CLUL1: variants seen among roughly 807,000 people sequenced by gnomAD.
The protein encoded by CLUL1 is clusterin-like protein 1.
A neutral mutation model predicts 49.4 loss-of-function variants in CLUL1; 43 were observed. The ratio of observed to expected loss-of-function variants is 0.87; its 90% CI spans 0.68 to 1.12. The LOEUF is 1.12. CLUL1 is among the 50% of genes most tolerant of loss of function. The pLI is 0.00. For missense variants in CLUL1, 486 were observed against 544.4 expected, an observed-to-expected ratio of 0.89 and a Z score of 1.07; for synonymous variants, 192 against 184.9, an observed-to-expected ratio of 1.04 and a Z score of -0.31.
chr18:643,342 C>G (rs746054605), intron 8 of CLUL1, among the ~76,000 whole-genome samples: 1 of 152,170 alleles, frequency 6.6e-6, no homozygotes, highest in Non-Finnish European at 1.5e-5. Flanking sequence ...AGCCACTGTT[C>G]CAATCCCTGC....
intron 2 of CLUL1, chr18:613,011 G>T: frequency 3.4e-6 from 1 of 294,336 alleles, no homozygotes; most frequent in Non-Finnish European, 6.2e-6. Flanking sequence ...CTGGCTTCAT[G>T]ATGATGGTGA....
At chr18:612,825 G>A (rs893466379) in intron 2 of CLUL1, 1 of 153,378 alleles carries the variant, frequency 6.5e-6, no homozygotes, top group Non-Finnish European at 1.5e-5. Flanking sequence ...TATCTCCGGT[G>A]CAGAATGTAA....
intron 7 of CLUL1, among the ~76,000 whole-genome samples, chr18:641,047 T>C (rs2074330381): frequency 6.6e-6 from 1 of 152,188 alleles, no homozygotes; most frequent in Non-Finnish European, 1.5e-5. Context: ...GGCAAATTTT[T>C]TCTTAATATA....
intron 9 of CLUL1, among the ~76,000 whole-genome samples, chr18:647,014 G>A (rs1056018716): frequency 1.3e-5 from 2 of 151,988 alleles, no homozygotes; most frequent in Non-Finnish European, 2.9e-5. Flanking sequence ...GCCTCCCAAA[G>A]TGCTGGGATC....
At chr18:601,803 C>T (rs2072839634) in intron 1 of CLUL1, among the ~76,000 whole-genome samples, 1 of 151,646 alleles carries the variant, frequency 6.6e-6, no homozygotes, top group South Asian at 2.1e-4. Flanking sequence ...AGCGAGACTC[C>T]ATCTCAAAAA....
At chr18:640,082 G>A (rs1438040710) in intron 7 of CLUL1, among the ~76,000 whole-genome samples, 4 of 152,122 alleles carry the variant, frequency 2.6e-5, no homozygotes, top group African/African-American at 9.7e-5. Context: ...TAATCTATGG[G>A]TAATTTCATG....
rs2073823852 is a variant in CLUL1, at chr18:627,030, A to AAGG, written c.424-65_424-64insGAG. On this transcript the variant is annotated intron_variant, in intron 5 of 9. Coordinates refer to ENST00000692774, the MANE Select transcript of CLUL1 (RefSeq NM_001393344.1). ...AGGAAAGAAAGAAAGAAAGAAAGAA[A>AAGG]AGAAAGAAAGAGTCGAGAAAGAAAA... The AAGG allele has an allele frequency of 3.2e-5, 2 of 63,450 alleles. 1 individual carries two copies. The highest frequency in any genetic ancestry group is 6.0e-5 in the Non-Finnish European group (2 of 33,450). The allele number at this position is 63,450 out of a possible 1,614,324, so 3.9% of individuals were successfully genotyped here. A position where few individuals can be genotyped will look rare whatever the true frequency, so the allele number is the denominator to read the frequency against.
At chr18:616,688 A>C (rs2073302637) in intron 2 of CLUL1, 1 of 979,744 alleles carries the variant, frequency 1.0e-6, no homozygotes, top group African/African-American at 1.8e-5. Flanking sequence ...ACACGGATGA[A>C]AATTAAAGCA....
chr18:606,994 G>A lies in CLUL1; in HGVS notation c.-119G>A, dbSNP rs1598409657. ...TTTCTTTAGAGTTGCGTCCCTCTCG[G>A]TTGCCAGGCTGGAGTTCAGTGGCAT... On this transcript the variant is annotated 5_prime_UTR_variant, in exon 2 of 10. Coordinates refer to ENST00000692774, the MANE Select transcript of CLUL1 (RefSeq NM_001393344.1). The surrounding 1 kb of genome is among the most constrained non-coding windows in gnomAD (Gnocchi z 4.1). 1.2e-5 allele frequency: 8 copies of A among 650,872 alleles called. No homozygotes were observed. The highest frequency in any genetic ancestry group is 1.8e-5 in the African/African-American group (1 of 54,412). 40.3% of individuals were successfully genotyped at this position (650,872 alleles called of 1,614,324 possible).
chr18:603,281 A>C (rs765859471), intron 1 of CLUL1, among the ~76,000 whole-genome samples: 1 of 152,120 alleles, frequency 6.6e-6, no homozygotes, highest in Non-Finnish European at 1.5e-5. Context: ...GGTAGAGTTT[A>C]AGAAGCATTG....
chr18:622,326 G>T (rs187140380), intron 4 of CLUL1, among the ~76,000 whole-genome samples: 134 of 152,230 alleles, frequency 8.8e-4, no homozygotes, highest in Middle Eastern at 3.4e-3. Context: ...GGTTTTATTT[G>T]TATGTGTTTT....
rs1008372906 is a variant in CLUL1 at position 618,929 on chromosome 18, G to GA, written c.107-276dup. On this transcript the variant is annotated intron_variant, in intron 3 of 9. Transcript: ENST00000692774. This position sits in a 1 kb window ranked among gnomAD's most constrained non-coding sequence, Gnocchi z 4.2. ...AAACACACTTGAGTCTTAAATGAAA[G>GA]AAAAAAAATGGATAAATGAAAACAG... Among the ~76,000 whole-genome samples, 14 of 151,638 alleles carry GA rather than the reference G, an allele frequency of 9.2e-5. No homozygotes were observed. Among genetic ancestry groups the GA allele is most frequent in the Non-Finnish European group, 1.3e-4 (9 of 67,918 alleles).
At position 633,287 on chromosome 18, in the gene CLUL1, G is replaced by A. The variant is rs747295988; in HGVS notation, c.857-11G>A. The A allele has an allele frequency of 1.9e-6, 3 of 1,604,698 alleles. No homozygotes were observed. The Admixed American group carries it at 5.2e-5, about 28-fold the overall frequency. ...TATGACACTAACGTGTAAATGTTAT[G>A]TTCCCTGTAGCTCCTGACCACGGAG... is the stretch of plus-strand genomic sequence containing the variant. On this transcript the variant is annotated splice_polypyrimidine_tract_variant and intron_variant, in intron 6 of 9. Transcript: ENST00000692774.
Position 633,526 on chromosome 18 carries a change from C to A in CLUL1, c.994+91C>A, listed in dbSNP as rs192608055. ...TCGGTGCCACAAAAGAAATAGCACTCGAATATAAAATTTTCTTTTTAATTC... is the reference window on the plus strand; with the variant it reads ...TCGGTGCCACAAAAGAAATAGCACTAGAATATAAAATTTTCTTTTTAATTC... On this transcript the variant is annotated intron_variant, in intron 7 of 9. Transcript: ENST00000692774. The A allele has an allele frequency of 3.4e-4, 393 of 1,141,602 alleles. 3 individuals carry two copies. The East Asian group carries it at 8.2e-3, about 24-fold the overall frequency. The allele number at this position is 1,141,602 out of a possible 1,614,324, so 70.7% of individuals were successfully genotyped here.
intron 4 of CLUL1, among the ~76,000 whole-genome samples, chr18:624,160 C>T (rs941450471): frequency 4.6e-5 from 7 of 152,032 alleles, no homozygotes; most frequent in African/African-American, 1.7e-4. Flanking sequence ...CTCCTCACCA[C>T]CCAGAGCAGG....
At chr18:633,662 G>A (rs2074050982) in intron 7 of CLUL1, among the ~76,000 whole-genome samples, 1 of 152,150 alleles carries the variant, frequency 6.6e-6, no homozygotes, top group African/African-American at 2.4e-5. Flanking sequence ...CAACGCACGT[G>A]GCCCCTGCTG....
In CLUL1 at chr18:606,330, G is replaced by A. The variant is rs79794522; in HGVS notation, c.-135-648G>A. Among the ~76,000 whole-genome samples, 14 of 152,276 alleles carry A rather than the reference G, an allele frequency of 9.2e-5. No homozygotes were observed. The East Asian group carries it at 2.7e-3, about 29-fold the overall frequency. On this transcript the variant is annotated intron_variant, in intron 1 of 9. Transcript: ENST00000692774. The surrounding 1 kb of genome is among the most constrained non-coding windows in gnomAD (Gnocchi z 4.1). ...TAACTCCCCACCACTGACTCTAGGG[G>A]AAAAACAGCACAGGGCAGGAAACGA...
chr18:607,230 G>C (rs1030875814), intron 2 of CLUL1, 131 bp downstream of exon 2: 7 of 610,140 alleles, frequency 1.1e-5, no homozygotes, highest in Non-Finnish European at 2.1e-5. Flanking sequence ...CAGATTTAAG[G>C]GTTTCTCTTG....
intron 4 of CLUL1, among the ~76,000 whole-genome samples, chr18:622,241 T>C (rs1306362729): frequency 6.6e-6 from 1 of 152,138 alleles, no homozygotes; most frequent in Non-Finnish European, 1.5e-5. Flanking sequence ...TCCTTATTAA[T>C]ATTTAGTGAG....
Sources: gnomAD v4.1 joint callset for allele counts (sites outside exome capture counted in the v4.1 genomes callset) on GRCh38, gnomAD v4.1.1 for gene constraint, Gnocchi (gnomAD v3.1) non-coding constraint, MANE v1.5 for transcripts, NCBI Gene and HGNC (gene_info 2026-07-23, HGNC 2026-07-21) for gene names.